SNTG1: variants seen among roughly 807,000 people sequenced by gnomAD.
The protein encoded by SNTG1 is syntrophin gamma 1.
SNTG1 carries 39 observed loss-of-function variants against 74.7 expected under a neutral mutation model. That is an observed-to-expected ratio of 0.52 (90% CI 0.40 to 0.68). The LOEUF is 0.68. Among genes scored for constraint, SNTG1 ranks in the 30% least tolerant of loss-of-function variants. The probability of loss-of-function intolerance (pLI) is 0.00; values close to 1 mark genes in which losing one functional copy is unlikely to be tolerated. For missense variants in SNTG1, 685 were observed against 609.5 expected (o/e 1.12, Z -1.30); for synonymous variants, 254 against 217.1 (o/e 1.17, Z -1.49).
intron 2 of SNTG1, among the ~76,000 whole-genome samples, chr8:50,316,637 T>G (rs988965717): frequency 1.3e-5 from 2 of 152,168 alleles, no homozygotes; most frequent in Admixed American, 1.3e-4. Flanking sequence ...CACTTAATAA[T>G]TCAGCAAATG....
intron 1 of SNTG1, among the ~76,000 whole-genome samples, chr8:49,918,689 C>A (rs942040216): frequency 6.6e-6 from 1 of 152,014 alleles, no homozygotes; most frequent in Non-Finnish European, 1.5e-5. Context: ...TAAGATTATG[C>A]TTTGGTTTGA....
chr8:50,754,899 T>C (rs2095576464), intron 18 of SNTG1, among the ~76,000 whole-genome samples: 1 of 151,906 alleles, frequency 6.6e-6, no homozygotes, highest in African/African-American at 2.4e-5. Flanking sequence ...CCCTTAAGTC[T>C]TTCTCTTTGA....
At chr8:50,647,416 C>T (rs2095116201) in intron 13 of SNTG1, among the ~76,000 whole-genome samples, 1 of 151,658 alleles carries the variant, frequency 6.6e-6, no homozygotes, top group South Asian at 2.1e-4. Flanking sequence ...ACAAGCACCT[C>T]ATGAAAAAAA....
intron 15 of SNTG1, among the ~76,000 whole-genome samples, chr8:50,676,130 A>G (rs1393940293): frequency 6.6e-6 from 1 of 151,852 alleles, no homozygotes; most frequent in Non-Finnish European, 1.5e-5. Context: ...CTTCTCATAG[A>G]GTATCTTAGT....
intron 17 of SNTG1, chr8:50,747,645 A>G (rs2095558118): frequency 6.6e-6 from 1 of 151,850 alleles, no homozygotes. Flanking sequence ...TTAAATTTTG[A>G]TCTTGTTTTA....
At chr8:49,985,862 T>A (rs1430775532) in intron 1 of SNTG1, among the ~76,000 whole-genome samples, 1 of 152,192 alleles carries the variant, frequency 6.6e-6, no homozygotes, top group Non-Finnish European at 1.5e-5. Context: ...TGATCTCTAT[T>A]TGACTTAGTA....
At position 50,017,264 on chromosome 8, in the gene SNTG1, A is replaced by G. The variant is rs528063719; in HGVS notation, c.-103+105033A>G. 5.9e-5 allele frequency among the ~76,000 whole-genome samples: 9 copies of G among 152,198 alleles called. No individual in the cohort carries two copies. The East Asian group carries it at 1.7e-3, about 29-fold the overall frequency. Reference sequence around the variant, plus strand: ...TAATTATAAAATTATTTGATAGCTTAACAAAAAATATAGAAAGAGAAAAAG... The same window carrying G: ...TAATTATAAAATTATTTGATAGCTTGACAAAAAATATAGAAAGAGAAAAAG... On this transcript the variant is annotated intron_variant, in intron 1 of 18. Coordinates refer to ENST00000642720, the MANE Select transcript of SNTG1 (RefSeq NM_018967.5).
chr8:50,765,884 C>T (rs1320163770), intron 18 of SNTG1, among the ~76,000 whole-genome samples: 3 of 151,868 alleles, frequency 2.0e-5, no homozygotes, highest in Non-Finnish European at 2.9e-5. Flanking sequence ...CTAGATTTCA[C>T]CTTATTTTTA....
chr8:50,533,900 G>A (rs753303273), intron 10 of SNTG1, among the ~76,000 whole-genome samples: 4 of 152,046 alleles, frequency 2.6e-5, no homozygotes, highest in East Asian at 1.9e-4. Context: ...AAAACCTACC[G>A]TACTCATGTA....
At chr8:50,058,841 C>A (rs1317003693) in intron 1 of SNTG1, among the ~76,000 whole-genome samples, 1 of 151,908 alleles carries the variant, frequency 6.6e-6, no homozygotes, top group Non-Finnish European at 1.5e-5. Flanking sequence ...TACAAGCAGT[C>A]ATCGCCACAA....
intron 8 of SNTG1, among the ~76,000 whole-genome samples, chr8:50,457,525 C>T (rs2131661534): frequency 6.6e-6 from 1 of 152,234 alleles, no homozygotes; most frequent in South Asian, 2.1e-4. Flanking sequence ...TACTTCTCTC[C>T]CCTTTTGAAA....
chr8:50,443,978 A>T lies in SNTG1; in HGVS notation c.219+5379A>T, dbSNP rs193277638. ...GTGAAACTCTGTCTCTACTAAAAAT[A>T]AAAAAAAAAATTATCTGGGCATGGT... On this transcript the variant is annotated intron_variant, in intron 5 of 18. Transcript: ENST00000642720. Among the ~76,000 whole-genome samples the T allele has an allele frequency of 7.3e-3, 1,074 of 147,804 alleles. 17 individuals carry two copies. Among genetic ancestry groups the T allele is most frequent in the African/African-American group, 0.025 (1,026 of 40,512 alleles).
rs2095697717 is a variant in SNTG1 at position 50,793,762 on chromosome 8, T to A, written c.*933T>A. The A allele has an allele frequency of 6.6e-6, 1 of 151,950 alleles. No individual in the cohort carries two copies. Among genetic ancestry groups the A allele is most frequent in the Non-Finnish European group, 1.5e-5 (1 of 67,906 alleles). 9.4% of individuals were successfully genotyped at this position (151,950 alleles called of 1,614,324 possible). On this transcript the variant is annotated 3_prime_UTR_variant, in exon 19 of 19. Coordinates refer to ENST00000642720, the MANE Select transcript of SNTG1 (RefSeq NM_018967.5). ...TTGTAATCCGAAGTCTACTAGTTAA[T>A]CATGAACTAAAATGTCCCCCGAAAA...
At chr8:50,293,333 C>T (rs78469235) in intron 2 of SNTG1, among the ~76,000 whole-genome samples, 7,996 of 151,944 alleles carry the variant, frequency 0.053, 236 homozygotes, top group Middle Eastern at 0.12. Context: ...TTTCCTTCTA[C>T]GTGTCTGTGT....
intron 17 of SNTG1, among the ~76,000 whole-genome samples, chr8:50,719,040 A>G (rs1563778364): frequency 6.6e-6 from 1 of 152,226 alleles, no homozygotes. Context: ...TCATATGTTA[A>G]AAAGAAATAA....
intron 1 of SNTG1, among the ~76,000 whole-genome samples, chr8:50,001,003 G>A (rs1169348566): frequency 6.6e-6 from 1 of 152,130 alleles, no homozygotes; most frequent in Non-Finnish European, 1.5e-5. Context: ...AAACAAAGCA[G>A]GACAATAGTT....
intron 1 of SNTG1, among the ~76,000 whole-genome samples, chr8:49,971,689 G>A (rs368960188): frequency 2.0e-5 from 3 of 152,198 alleles, no homozygotes; most frequent in East Asian, 3.9e-4. Flanking sequence ...AAATCAATGT[G>A]CAAAAATCAC....
intron 2 of SNTG1, among the ~76,000 whole-genome samples, chr8:50,382,458 A>G (rs1281033712): frequency 6.6e-6 from 1 of 152,198 alleles, no homozygotes; most frequent in Admixed American, 6.5e-5. Flanking sequence ...AAATATGACT[A>G]GCTCAAACTA....
At chr8:50,156,035 T>C (rs1019903659) in intron 1 of SNTG1, among the ~76,000 whole-genome samples, 4 of 152,088 alleles carry the variant, frequency 2.6e-5, no homozygotes, top group African/African-American at 9.7e-5. Flanking sequence ...ATGAAAACTT[T>C]TATTGAAAAA....
Sources: allele counts gnomAD v4.1 joint callset (sites outside exome capture counted in the v4.1 genomes callset), GRCh38; gene constraint gnomAD v4.1.1; transcripts MANE v1.5; gene names NCBI Gene and HGNC (gene_info 2026-07-23, HGNC 2026-07-21).